COL25A1: variants seen among roughly 807,000 people sequenced by gnomAD.
COL25A1 encodes the protein collagen alpha-1(XXV) chain.
A neutral mutation model predicts 128.4 loss-of-function variants in COL25A1; 103 were observed. The observed-to-expected ratio is 0.80, with a 90% CI of 0.68 to 0.94. The LOEUF is 0.94. COL25A1 is among the 40% of genes least tolerant of loss of function. The pLI is 0.00. For missense variants in COL25A1, 745 were observed against 840.0 expected (o/e 0.89, Z 1.40); for synonymous variants, 279 against 277.2 (o/e 1.01, Z -0.06).
At chr4:109,257,909 A>G (rs553986391) in intron 3 of COL25A1, among the ~76,000 whole-genome samples, 4 of 152,376 alleles carry the variant, frequency 2.6e-5, no homozygotes, top group African/African-American at 7.2e-5. Flanking sequence ...AGAAGGAAAG[A>G]GAATTTCAAA....
intron 3 of COL25A1, among the ~76,000 whole-genome samples, chr4:109,078,817 T>C (rs907898327): frequency 3.9e-5 from 6 of 152,206 alleles, no homozygotes; most frequent in Admixed American, 6.5e-5. Flanking sequence ...CTACTTGCCC[T>C]TGTAATCCTG....
intron 3 of COL25A1, among the ~76,000 whole-genome samples, chr4:109,136,668 A>G (rs1396688135): frequency 6.6e-6 from 1 of 152,258 alleles, no homozygotes; most frequent in Non-Finnish European, 1.5e-5. Context: ...CAAGGCACCA[A>G]CTAGAGAGAT....
chr4:109,258,171 C>A (rs947455726), intron 3 of COL25A1, among the ~76,000 whole-genome samples: 33 of 151,542 alleles, frequency 2.2e-4, no homozygotes, highest in African/African-American at 8.0e-4. Flanking sequence ...CCAGTTTGTG[C>A]CCTGGTCCAT....
chr4:109,060,219 A>G (rs531065985), intron 3 of COL25A1, among the ~76,000 whole-genome samples: 28 of 152,356 alleles, frequency 1.8e-4, no homozygotes, highest in Admixed American at 1.4e-3. Context: ...AAGACACAGC[A>G]TCTGTGCCAG....
chr4:108,945,258 G>A (rs1198247687), intron 8 of COL25A1, among the ~76,000 whole-genome samples: 1 of 152,092 alleles, frequency 6.6e-6, no homozygotes, highest in African/African-American at 2.4e-5. Flanking sequence ...ATTTGATGGT[G>A]GTAAAAAAAA....
chr4:108,985,324 T>C (rs1399394218), intron 6 of COL25A1, among the ~76,000 whole-genome samples: 1 of 152,198 alleles, frequency 6.6e-6, no homozygotes, highest in East Asian at 1.9e-4. Context: ...TTCTCCTCCA[T>C]GCTCTTCGAA....
At chr4:109,117,164 G>A (rs1384386662) in intron 3 of COL25A1, among the ~76,000 whole-genome samples, 3 of 151,734 alleles carry the variant, frequency 2.0e-5, no homozygotes, top group Non-Finnish European at 4.4e-5. Flanking sequence ...TACCAAGCAG[G>A]ATAAATGCCC....
intron 3 of COL25A1, among the ~76,000 whole-genome samples, chr4:109,196,428 T>C (rs1776052546): frequency 6.6e-6 from 1 of 152,144 alleles, no homozygotes; most frequent in South Asian, 2.1e-4. Context: ...TATATGTATA[T>C]ATAAATGTTT....
intron 5 of COL25A1, among the ~76,000 whole-genome samples, chr4:109,010,968 A>G (rs934538480): frequency 1.3e-5 from 2 of 152,230 alleles, no homozygotes; most frequent in African/African-American, 4.8e-5. Flanking sequence ...TGGATCATGC[A>G]TCCTAACTCT....
chr4:108,817,395 A>T lies in COL25A1; in HGVS notation c.1962+2T>A, dbSNP rs1182555745. 6.2e-7 allele frequency: 1 copy of T among 1,613,218 alleles called. No individual in the cohort carries two copies. The highest frequency in any genetic ancestry group is 2.2e-5 in the East Asian group (1 of 44,854). On this transcript the variant is annotated splice_donor_variant, in intron 37 of 37. Coordinates refer to ENST00000399132, the MANE Select transcript of COL25A1 (RefSeq NM_198721.4). LOFTEE classifies it high-confidence loss of function. ...TTTGAGAAATTATTCAGTAAAGCCT[A>T]CCTTTTGCCAACAGCCAGGCATGGG...
intron 3 of COL25A1, among the ~76,000 whole-genome samples, chr4:109,093,459 A>AAAACAAAAAC (rs1553930991): frequency 1.5e-4 from 18 of 122,050 alleles, no homozygotes; most frequent in African/African-American, 5.1e-4. Context: ...ATCTCTATGA[A>AAAACAAAAAC]AAAAAAAAAA....
At chr4:109,014,315 A>T (rs1436626052) in intron 5 of COL25A1, among the ~76,000 whole-genome samples, 2 of 151,992 alleles carry the variant, frequency 1.3e-5, no homozygotes, top group Non-Finnish European at 2.9e-5. Flanking sequence ...TCAAAAAAAA[A>T]AAGTGTAAAC....
At chr4:109,025,735 G>A (rs924903558) in intron 5 of COL25A1, among the ~76,000 whole-genome samples, 1 of 152,104 alleles carries the variant, frequency 6.6e-6, no homozygotes, top group African/African-American at 2.4e-5. Context: ...TGGCTGAATC[G>A]TAATAGCTAC....
chr4:109,085,962 C>CA (rs1484720416), intron 3 of COL25A1, among the ~76,000 whole-genome samples: 2 of 152,114 alleles, frequency 1.3e-5, no homozygotes, highest in Non-Finnish European at 1.5e-5. Context: ...TACAACCAGC[C>CA]AAAGGAGGAA....
intron 16 of COL25A1, among the ~76,000 whole-genome samples, chr4:108,896,033 C>T (rs1211611665): frequency 1.3e-5 from 2 of 148,696 alleles, no homozygotes; most frequent in African/African-American, 4.9e-5. Flanking sequence ...GCAAGCTCCA[C>T]CTCCCAGGTT....
chr4:108,872,464 C>G (rs966940582), intron 19 of COL25A1, among the ~76,000 whole-genome samples: 3 of 152,094 alleles, frequency 2.0e-5, no homozygotes, highest in Non-Finnish European at 4.4e-5. Flanking sequence ...CCAGATTCCA[C>G]GTTGCACCTA....
At chr4:108,855,748 TATAATGTTCC>T (rs1220783986) in intron 24 of COL25A1, among the ~76,000 whole-genome samples, 1 of 152,184 alleles carries the variant, frequency 6.6e-6, no homozygotes, top group Non-Finnish European at 1.5e-5. Flanking sequence ...TTTAAAATTG[TATAATGTTCC>T]ATCCAGCTAA....
In COL25A1 at chr4:109,271,899, T is replaced by C. The variant is rs189418465; in HGVS notation, c.367+28684A>G. ...ATTGTAAGTGGTATTTTCAGTAAAT[T>C]CTCATTCAACTTGTTATAAAGTGCA... On this transcript the variant is annotated intron_variant, in intron 3 of 37. Transcript: ENST00000399132. Among the ~76,000 whole-genome samples, 16 of 152,322 alleles carry C rather than the reference T, an allele frequency of 1.1e-4. No homozygotes were observed. In the East Asian group the frequency reaches 3.1e-3, roughly 29 times the overall value.
At chr4:108,879,099 G>A (rs1308965336) in intron 19 of COL25A1, among the ~76,000 whole-genome samples, 1 of 152,186 alleles carries the variant, frequency 6.6e-6, no homozygotes. Flanking sequence ...ACTGAGCACT[G>A]TACTTAATCC....
Sources: allele counts gnomAD v4.1 joint callset (sites outside exome capture counted in the v4.1 genomes callset), GRCh38; gene constraint gnomAD v4.1.1; transcripts MANE v1.5; gene names NCBI Gene and HGNC (gene_info 2026-07-23, HGNC 2026-07-21).